Variants in AQR observed in about 807,000 individuals in gnomAD.
AQR encodes RNA helicase aquarius.
A neutral mutation model predicts 180.5 loss-of-function variants in AQR; 61 were observed. The observed-to-expected ratio is 0.34, with a 90% CI of 0.28 to 0.42. The LOEUF is 0.42. Among genes scored for constraint, AQR ranks in the 10% least tolerant of loss-of-function variants. The pLI is 1.00. For synonymous variants in AQR, 551 were observed against 588.8 expected, an observed-to-expected ratio of 0.94 and a Z score of 0.93; for missense variants, 1,281 against 1,798.3, an observed-to-expected ratio of 0.71 and a Z score of 5.20.
At position 34,944,441 on chromosome 15, in the gene AQR, A is replaced by G. The variant is rs762940669; in HGVS notation, c.331-13T>C. On this transcript the variant is annotated splice_polypyrimidine_tract_variant and intron_variant, in intron 5 of 34. Coordinates refer to ENST00000156471, the MANE Select transcript of AQR (RefSeq NM_014691.3). ...TCTTCTTAAAAATCTGAAAAGAAAC[A>G]GAATAAAATTCATTTTGTATTGGCT... 1 of 1,587,584 alleles carries G rather than the reference A, an allele frequency of 6.3e-7. No homozygotes were observed. The highest frequency in any genetic ancestry group is 8.5e-7 in the Non-Finnish European group (1 of 1,171,314).
Position 34,951,870 on chromosome 15 carries a change from C to T in AQR, c.209+1015G>A, listed in dbSNP as rs547803676. Among the ~76,000 whole-genome samples, 4 of 152,066 alleles carry T rather than the reference C, an allele frequency of 2.6e-5. No homozygotes were observed. In the East Asian group the frequency reaches 7.7e-4, roughly 29 times the overall value. ...TGGAAAGAGCATATTTATCTCAGGGCGAGATGGGTCCAGTTTCTAGCCTCA... is the reference window on the plus strand; with the variant it reads ...TGGAAAGAGCATATTTATCTCAGGGTGAGATGGGTCCAGTTTCTAGCCTCA... On this transcript the variant is annotated intron_variant, in intron 4 of 34. Transcript: ENST00000156471.
Position 34,890,211 on chromosome 15 carries a change from T to A in AQR, c.2681+4A>T, listed in dbSNP as rs534452777. ...TACACTGTTACTCACTCCCATTTGCTCACCTGCTGAAATCTTTCTCTGTCT... is the reference window on the plus strand; with the variant it reads ...TACACTGTTACTCACTCCCATTTGCACACCTGCTGAAATCTTTCTCTGTCT... On this transcript the variant is annotated splice_donor_region_variant and intron_variant, in intron 24 of 34. Transcript: ENST00000156471. 1.2e-4 allele frequency: 187 copies of A among 1,609,766 alleles called. 3 individuals carry two copies. The South Asian group carries it at 2.0e-3, about 17-fold the overall frequency.
intron 7 of AQR, 59 bp from the exon 8 acceptor site, chr15:34,941,058 T>C: frequency 1.7e-6 from 2 of 1,177,794 alleles, no homozygotes; most frequent in Non-Finnish European, 2.4e-6. Flanking sequence ...AGGATAAGGA[T>C]TAGATCAACT....
chr15:34,952,828 T>C (rs1338880309), intron 4 of AQR, 57 bp downstream of exon 4: 1 of 1,217,890 alleles, frequency 8.2e-7, no homozygotes, highest in African/African-American at 1.5e-5. Context: ...CACAGAAAAT[T>C]TAGCTAAAAC....
intron 34 of AQR, among the ~76,000 whole-genome samples, chr15:34,859,660 T>C (rs1195166064): frequency 1.3e-5 from 2 of 152,088 alleles, no homozygotes; most frequent in East Asian, 3.9e-4. Context: ...AGCAAACCTA[T>C]CATGACAGAA....
intron 20 of AQR, among the ~76,000 whole-genome samples, chr15:34,898,604 G>A (rs747970466): frequency 2.6e-5 from 4 of 152,178 alleles, no homozygotes; most frequent in East Asian, 1.9e-4. Flanking sequence ...AACTATCCTC[G>A]GCCAGGCGCG....
In AQR at chr15:34,856,988, G is replaced by A. The variant is rs1182126625; in HGVS notation, c.4262C>T (p.Pro1421Leu). 6.2e-7 allele frequency: 1 copy of A among 1,614,080 alleles called. No individual in the cohort carries two copies. Among genetic ancestry groups the A allele is most frequent in the Non-Finnish European group, 8.5e-7 (1 of 1,179,996 alleles). ...MTVQADIIPS[P>L]TDTSCRQETP... ...TTCTTGACGGCAGCTGGTGTCTGTT[G>A]GACTGGGTATGATGTCAGCTTGAAC... The change falls in exon 35 of 35, where the codon CCA becomes CTA. Residue 1421 changes from proline (P) to leucine (L), a missense_variant. Around this residue, in one of 9 missense-constraint regions of AQR, gnomAD observed 182 missense variants for 185.3 expected, o/e 0.98. Transcript: ENST00000156471.
rs544646111 is a variant in AQR, at chr15:34,934,564, T to G, written c.783+7A>C. The G allele has an allele frequency of 6.3e-7, 1 of 1,577,944 alleles. No individual in the cohort carries two copies. The highest frequency in any genetic ancestry group is 1.9e-5 in the Admixed American group (1 of 52,424). Reference sequence around the variant, plus strand: ...ATATAACAAAAAAGTCACGGTAGATTTCTTACCTCTAGATCAATCATAAGT... The same window carrying G: ...ATATAACAAAAAAGTCACGGTAGATGTCTTACCTCTAGATCAATCATAAGT... On this transcript the variant is annotated splice_region_variant and intron_variant, in intron 10 of 34. Coordinates refer to ENST00000156471, the MANE Select transcript of AQR (RefSeq NM_014691.3).
chr15:34,920,292 G>A (rs1023635774), intron 14 of AQR, 40 bp downstream of exon 14: 3 of 1,478,068 alleles, frequency 2.0e-6, no homozygotes, highest in African/African-American at 2.8e-5. Context: ...TAAAAGGCAA[G>A]GAAAACCACA....
intron 32 of AQR, among the ~76,000 whole-genome samples, chr15:34,864,780 T>C (rs1434584991): frequency 3.9e-5 from 6 of 152,150 alleles, no homozygotes; most frequent in South Asian, 4.1e-4. Flanking sequence ...TTCAGTGCTA[T>C]AGTGCAGTAA....
At chr15:34,963,415 A>G (rs2050291010) in intron 2 of AQR, among the ~76,000 whole-genome samples, 1 of 152,124 alleles carries the variant, frequency 6.6e-6, no homozygotes, top group Non-Finnish European at 1.5e-5. Context: ...ATATTACTGG[A>G]CTTAAGTTAT....
chr15:34,944,897 A>G (rs1894086156), intron 5 of AQR, among the ~76,000 whole-genome samples: 1 of 152,156 alleles, frequency 6.6e-6, no homozygotes, highest in Non-Finnish European at 1.5e-5. Context: ...AGCCTCTTTG[A>G]CCTACCTCTG....
intron 5 of AQR, among the ~76,000 whole-genome samples, chr15:34,945,081 A>G (rs1269168024): frequency 6.6e-6 from 1 of 152,124 alleles, no homozygotes; most frequent in Non-Finnish European, 1.5e-5. Flanking sequence ...TTTGCCTGTT[A>G]TCTAAACCGC....
intron 4 of AQR, among the ~76,000 whole-genome samples, chr15:34,952,000 C>T (rs939131954): frequency 6.6e-6 from 1 of 152,172 alleles, no homozygotes; most frequent in Non-Finnish European, 1.5e-5. Context: ...AGGCACTCAA[C>T]TTACTAGTTA....
chr15:34,904,200 T>C (rs1893376819), intron 19 of AQR, 136 bp downstream of exon 19: 8 of 503,990 alleles, frequency 1.6e-5, no homozygotes, highest in Middle Eastern at 5.4e-4. Context: ...TTTAAGAGGA[T>C]TGCTTATAGT....
At chr15:34,892,704 A>G (rs970222746) in intron 23 of AQR, among the ~76,000 whole-genome samples, 2 of 152,192 alleles carry the variant, frequency 1.3e-5, no homozygotes, top group Non-Finnish European at 2.9e-5. Context: ...ACTGAACACC[A>G]TAGCTTAGCC....
Position 34,920,953 on chromosome 15 carries a change from G to A in AQR, c.1119-519C>T, listed in dbSNP as rs534479514. ...AGCCTGGGCGACAAAGCGAGACTCC[G>A]TCTCAAAAATAATAACAATAATAAT... On this transcript the variant is annotated intron_variant, in intron 13 of 34. Coordinates refer to ENST00000156471, the MANE Select transcript of AQR (RefSeq NM_014691.3). Among the ~76,000 whole-genome samples, 16 of 151,686 alleles carry A rather than the reference G, an allele frequency of 1.1e-4. No individual in the cohort carries two copies. In the South Asian group the frequency reaches 2.5e-3, roughly 24 times the overall value.
chr15:34,871,725 G>T (rs1419949085), intron 30 of AQR, among the ~76,000 whole-genome samples: 1 of 151,756 alleles, frequency 6.6e-6, no homozygotes, highest in Non-Finnish European at 1.5e-5. Context: ...TGTTCTCTGC[G>T]TAATGGTTGT....
At chr15:34,873,369 AATGT>A (rs1242159124) in intron 30 of AQR, among the ~76,000 whole-genome samples, 3 of 152,264 alleles carry the variant, frequency 2.0e-5, no homozygotes, top group Middle Eastern at 3.4e-3. Flanking sequence ...TAGAAGTGAA[AATGT>A]AATTCAGTGA....
Sources: gnomAD v4.1 joint callset for allele counts (sites outside exome capture counted in the v4.1 genomes callset) on GRCh38, gnomAD v4.1.1 for gene constraint, gnomAD v4.1.1 regional missense constraint, MANE v1.5 for transcripts, NCBI Gene and HGNC (gene_info 2026-07-23, HGNC 2026-07-21) for gene names.